CSMD1: variants seen among roughly 807,000 people sequenced by gnomAD.
CSMD1 encodes the protein CUB and Sushi multiple domains 1.
A neutral mutation model predicts 417.5 loss-of-function variants in CSMD1; 213 were observed. The ratio of observed to expected loss-of-function variants is 0.51; its 90% CI spans 0.46 to 0.57. CSMD1 has a LOEUF of 0.57. Ranked by LOEUF, CSMD1 falls within the 20% of genes least tolerant of loss-of-function variation. The pLI is 0.00. For synonymous variants in CSMD1, 2,862 were observed against 1,736.8 expected, an observed-to-expected ratio of 1.65 and a Z score of -16.11; for missense variants, 6,923 against 4,529.7, an observed-to-expected ratio of 1.53 and a Z score of -15.17.
At chr8:4,736,624 G>A (rs1810263857) in intron 1 of CSMD1, among the ~76,000 whole-genome samples, 1 of 152,136 alleles carries the variant, frequency 6.6e-6, no homozygotes, top group African/African-American at 2.4e-5. Flanking sequence ...GGCAGGGAAA[G>A]GCAGTGACAC....
At chr8:2,980,567 T>C (rs1002503450) in intron 54 of CSMD1, among the ~76,000 whole-genome samples, 16 of 151,916 alleles carry the variant, frequency 1.1e-4, no homozygotes, top group African/African-American at 3.6e-4. Flanking sequence ...ATTTATTTAC[T>C]GGTGCAGTAA....
rs116735127 is a variant in CSMD1 at position 3,826,572 on chromosome 8, G to C, written c.819-72530C>G. Among the ~76,000 whole-genome samples the C allele has an allele frequency of 4.1e-3, 617 of 152,172 alleles. 3 individuals carry two copies. The highest frequency in any genetic ancestry group is 0.014 in the African/African-American group (574 of 41,518). On this transcript the variant is annotated intron_variant, in intron 5 of 69. Coordinates refer to ENST00000635120, the MANE Select transcript of CSMD1 (RefSeq NM_033225.6). ...TGATATGAGCGCCTCTCTCTGGGTT[G>C]AGATTAACCACTGGCCCAGCCCAGC... is the stretch of plus-strand genomic sequence containing the variant.
chr8:4,870,432 T>C, intron 1 of CSMD1, among the ~76,000 whole-genome samples: 1 of 152,162 alleles, frequency 6.6e-6, no homozygotes, highest in Non-Finnish European at 1.5e-5. Flanking sequence ...ATGCATAGTA[T>C]TCCATAACTT....
At chr8:4,808,015 T>C (rs554352772) in intron 1 of CSMD1, among the ~76,000 whole-genome samples, 16 of 152,342 alleles carry the variant, frequency 1.1e-4, no homozygotes, top group Admixed American at 2.0e-4. Flanking sequence ...TGTATCCCAT[T>C]GCTCTCGCCC....
intron 54 of CSMD1, among the ~76,000 whole-genome samples, chr8:2,979,065 T>G (rs1805183017): frequency 6.6e-6 from 1 of 152,220 alleles, no homozygotes; most frequent in African/African-American, 2.4e-5. Context: ...TTATTCAACG[T>G]AAATTCTGAA....
chr8:3,944,693 A>T (rs1198021606), intron 5 of CSMD1, among the ~76,000 whole-genome samples: 1 of 152,180 alleles, frequency 6.6e-6, no homozygotes, highest in African/African-American at 2.4e-5. Flanking sequence ...TCTATGTTGA[A>T]AATGCCTCAG....
At chr8:4,519,491 G>C (rs1429897894) in intron 2 of CSMD1, among the ~76,000 whole-genome samples, 2 of 152,014 alleles carry the variant, frequency 1.3e-5, no homozygotes, top group East Asian at 3.9e-4. Flanking sequence ...TGTAACCCCA[G>C]CACTTTGGGA....
chr8:3,946,028 G>C (rs778038941), intron 5 of CSMD1, among the ~76,000 whole-genome samples: 1 of 152,050 alleles, frequency 6.6e-6, no homozygotes, highest in Admixed American at 6.6e-5. Flanking sequence ...AACATTCTAC[G>C]ATGTAGGCGC....
chr8:4,893,325 T>C lies in CSMD1; in HGVS notation c.85+101007A>G, dbSNP rs149938771. On this transcript the variant is annotated intron_variant, in intron 1 of 69. Coordinates refer to ENST00000635120, the MANE Select transcript of CSMD1 (RefSeq NM_033225.6). ...TATATTCTGTAGAGTAATCCATTATTTTATGTTGTTTAGTATTTTTCTGTC... is the reference window on the plus strand; with the variant it reads ...TATATTCTGTAGAGTAATCCATTATCTTATGTTGTTTAGTATTTTTCTGTC... Among the ~76,000 whole-genome samples the C allele has an allele frequency of 5.1e-4, 77 of 152,202 alleles. No individual in the cohort carries two copies. The East Asian group carries it at 0.013, about 26-fold the overall frequency.
chr8:3,991,507 C>G (rs1814748941), intron 5 of CSMD1, among the ~76,000 whole-genome samples: 1 of 152,148 alleles, frequency 6.6e-6, no homozygotes, highest in African/African-American at 2.4e-5. Flanking sequence ...CAGAAATATG[C>G]TCAACAAGCA....
At chr8:4,632,967 G>A (rs907111841) in intron 2 of CSMD1, among the ~76,000 whole-genome samples, 2 of 152,160 alleles carry the variant, frequency 1.3e-5, no homozygotes, top group African/African-American at 2.4e-5. Flanking sequence ...AGGGACTGAA[G>A]GACAGAATGC....
intron 26 of CSMD1, among the ~76,000 whole-genome samples, chr8:3,276,253 C>T (rs1321527892): frequency 6.6e-6 from 1 of 152,098 alleles, no homozygotes; most frequent in East Asian, 1.9e-4. Flanking sequence ...GGGTCAGGGA[C>T]CCACTTGAGG....
intron 12 of CSMD1, among the ~76,000 whole-genome samples, chr8:3,424,899 TG>T (rs1813726382): frequency 6.6e-6 from 1 of 152,214 alleles, no homozygotes. Context: ...GGAGCCATCA[TG>T]GCTGACTCAC....
chr8:4,528,731 A>G (rs1188572186), intron 2 of CSMD1, among the ~76,000 whole-genome samples: 2 of 152,156 alleles, frequency 1.3e-5, no homozygotes, highest in African/African-American at 2.4e-5. Context: ...GGTCAAAAAA[A>G]TGTTTAAGTA....
At chr8:3,839,242 C>G (rs1299221439) in intron 5 of CSMD1, among the ~76,000 whole-genome samples, 1 of 120,690 alleles carries the variant, frequency 8.3e-6, no homozygotes, top group African/African-American at 3.1e-5. Context: ...ATTATATATA[C>G]TATTAATATA....
At chr8:4,335,422 C>T (rs1020551001) in intron 3 of CSMD1, among the ~76,000 whole-genome samples, 1 of 152,096 alleles carries the variant, frequency 6.6e-6, no homozygotes, top group Admixed American at 6.6e-5. Flanking sequence ...TTCTGAAACA[C>T]ACCAGAAACT....
At chr8:3,619,365 T>G (rs1802305751) in intron 7 of CSMD1, among the ~76,000 whole-genome samples, 1 of 134,808 alleles carries the variant, frequency 7.4e-6, no homozygotes, top group African/African-American at 2.7e-5. Flanking sequence ...GGTAGTTAAT[T>G]TTTTTCAAAT....
intron 3 of CSMD1, among the ~76,000 whole-genome samples, chr8:4,054,951 T>G (rs750401291): frequency 6.6e-6 from 1 of 152,150 alleles, no homozygotes; most frequent in Admixed American, 6.6e-5. Context: ...CAAAGAGACA[T>G]CAAAAGTTTT....
chr8:3,303,215 A>C (rs1013383999), intron 25 of CSMD1, among the ~76,000 whole-genome samples: 2 of 152,176 alleles, frequency 1.3e-5, no homozygotes, highest in African/African-American at 4.8e-5. Context: ...CCCATGGTCT[A>C]TGTACAGAGG....
Sources: allele counts gnomAD v4.1 joint callset (sites outside exome capture counted in the v4.1 genomes callset), GRCh38; gene constraint gnomAD v4.1.1; transcripts MANE v1.5; gene names NCBI Gene and HGNC (gene_info 2026-07-23, HGNC 2026-07-21).